The following ANXA11 variants were observed in gnomAD, a reference collection of about 807,000 sequenced individuals.
ANXA11 encodes 56 kDa autoantigen.
A neutral mutation model predicts 64.7 loss-of-function variants in ANXA11; 57 were observed. The ratio of observed to expected loss-of-function variants is 0.88; its 90% CI spans 0.71 to 1.10. ANXA11 has a LOEUF of 1.10. ANXA11 is among the 50% of genes least tolerant of loss of function. The pLI, the probability that ANXA11 is intolerant of heterozygous loss-of-function variation, is 0.00. For synonymous variants in ANXA11, 260 were observed against 265.2 expected (o/e 0.98, Z 0.19); for missense variants, 675 against 670.7 (o/e 1.01, Z -0.07).
chr10:80,205,130 A>C (rs977797003), intron 1 of ANXA11, among the ~76,000 whole-genome samples: 13 of 152,112 alleles, frequency 8.5e-5, no homozygotes, highest in Admixed American at 8.5e-4. Context: ...CCAGACGCCG[A>C]GGCTGATCTA....
In ANXA11 at chr10:80,205,467, G is replaced by A. The variant is rs917896793; in HGVS notation, c.-182C>T. ...GGGCTGGGTCCCACTCCCGCTCGCG[G>A]GGCCCGCGGGGCACTCGGGGCACTG... On this transcript the variant is annotated 5_prime_UTR_variant, in exon 1 of 16. Transcript: ENST00000422982. 1 of 151,934 alleles carries A rather than the reference G, an allele frequency of 6.6e-6. No homozygotes were observed. Among genetic ancestry groups the A allele is most frequent in the African/African-American group, 2.4e-5 (1 of 41,396 alleles). 9.4% of individuals were successfully genotyped at this position (151,934 alleles called of 1,614,324 possible). A position where few individuals can be genotyped will look rare whatever the true frequency, so the allele number is the denominator to read the frequency against.
At chr10:80,166,034 ACACG>A (rs747977393) in intron 8 of ANXA11, 46 bp downstream of exon 8, 5 of 960,268 alleles carry the variant, frequency 5.2e-6, no homozygotes, top group South Asian at 1.5e-5. Flanking sequence ...GCGTGCGCAC[ACACG>A]CGCGCACACA....
At chr10:80,203,081 G>C (rs912044446) in intron 1 of ANXA11, among the ~76,000 whole-genome samples, 3 of 151,444 alleles carry the variant, frequency 2.0e-5, no homozygotes. Flanking sequence ...CAGAAGAAGA[G>C]GGGTGAATCC....
At chr10:80,193,744 T>C (rs569062071) in intron 1 of ANXA11, among the ~76,000 whole-genome samples, 4 of 137,838 alleles carry the variant, frequency 2.9e-5, no homozygotes, top group African/African-American at 1.1e-4. Flanking sequence ...CTCGGGAGGC[T>C]GGGGCTGCAG....
chr10:80,185,145 C>A (rs1846493078), intron 1 of ANXA11, among the ~76,000 whole-genome samples: 1 of 152,234 alleles, frequency 6.6e-6, no homozygotes, highest in Admixed American at 6.5e-5. Context: ...CAGAACCCAC[C>A]TGGTGCATGA....
At chr10:80,194,677 G>A (rs898068172) in intron 1 of ANXA11, among the ~76,000 whole-genome samples, 4 of 152,180 alleles carry the variant, frequency 2.6e-5, no homozygotes, top group Non-Finnish European at 4.4e-5. Context: ...CGCCTGCAGG[G>A]CCTCAGTGGT....
chr10:80,182,957 G>GA (rs1017776683), intron 1 of ANXA11, among the ~76,000 whole-genome samples: 5 of 151,972 alleles, frequency 3.3e-5, no homozygotes, highest in South Asian at 4.2e-4. Flanking sequence ...TCAGTGTGGG[G>GA]AAAAAAAACA....
chr10:80,176,914 T>C (rs1846190563), intron 1 of ANXA11, among the ~76,000 whole-genome samples: 1 of 151,982 alleles, frequency 6.6e-6, no homozygotes, highest in South Asian at 2.1e-4. Flanking sequence ...CCTCCGTTCT[T>C]AGAAAGAATA....
chr10:80,184,760 C>G (rs1846481589), intron 1 of ANXA11, among the ~76,000 whole-genome samples: 1 of 152,150 alleles, frequency 6.6e-6, no homozygotes, highest in Non-Finnish European at 1.5e-5. Context: ...CCAACCTCCC[C>G]AGGACTCTTC....
chr10:80,199,024 T>C (rs999329719), intron 1 of ANXA11, among the ~76,000 whole-genome samples: 1 of 151,672 alleles, frequency 6.6e-6, no homozygotes. Flanking sequence ...TCAACCTCCA[T>C]CCACCCTCAA....
Position 80,169,006 on chromosome 10 carries a change from C to T in ANXA11, c.524G>A (p.Gly175Glu). 6.5e-7 allele frequency: 1 copy of T among 1,546,302 alleles called. No homozygotes were observed. Among genetic ancestry groups the T allele is most frequent in the East Asian group, 2.3e-5 (1 of 44,116 alleles). Residue 175 changes from glycine to glutamate, a missense_variant, in exon 5 of 16, where the codon GGG becomes GAG. Transcript: ENST00000422982. ...QPVPSYPGYP[G>E]SGTVTPAVPP... ...CACAGCGGGGGTGACAGTCCCAGAC[C>T]CCGGGTATCCTGGGTAGCTCGGCAC...
chr10:80,201,806 C>G (rs1318720835), intron 1 of ANXA11, among the ~76,000 whole-genome samples: 1 of 152,192 alleles, frequency 6.6e-6, no homozygotes, highest in African/African-American at 2.4e-5. Flanking sequence ...GTGCCACTCC[C>G]CAGGCTGGAT....
At chr10:80,156,723 C>T (rs1278300943) in intron 15 of ANXA11, among the ~76,000 whole-genome samples, 8 of 152,142 alleles carry the variant, frequency 5.3e-5, no homozygotes, top group Admixed American at 2.0e-4. Context: ...AGGCTGGTCT[C>T]GAACTCCTGA....
chr10:80,166,240 AGTCTATTT>A, intron 7 of ANXA11, 43 bp from the exon 8 acceptor site: 1 of 1,242,594 alleles, frequency 8.0e-7, no homozygotes, highest in Non-Finnish European at 1.2e-6. Context: ...AAAAAAAACA[AGTCTATTT>A]AAAAAATCCA....
Position 80,155,760 on chromosome 10 carries a change from A to C in ANXA11, c.*93T>G. ...CTCTAGGACGGTGAATCTCGGGGCT[A>C]TTTGTGGATTTGTTAGAAACAGACA... On this transcript the variant is annotated 3_prime_UTR_variant, in exon 16 of 16. Coordinates refer to ENST00000422982, the MANE Select transcript of ANXA11 (RefSeq NM_145868.2). 2 of 1,225,326 alleles carry C rather than the reference A, an allele frequency of 1.6e-6. No individual in the cohort carries two copies. Among genetic ancestry groups the C allele is most frequent in the South Asian group, 1.2e-5 (1 of 81,134 alleles). The allele number at this position is 1,225,326 out of a possible 1,614,324, so 75.9% of individuals were successfully genotyped here.
chr10:80,165,970 A>G (rs1845701958), intron 8 of ANXA11, 114 bp downstream of exon 8: 1 of 641,714 alleles, frequency 1.6e-6, no homozygotes, highest in Non-Finnish European at 2.7e-6. Flanking sequence ...AGTGGGCTAG[A>G]ACACAGCACG....
In ANXA11 at chr10:80,173,358, G is replaced by C. The variant is rs567016117; in HGVS notation, c.-8-489C>G. ...GTCTCTCTTCATTCTCCAACCTCTG[G>C]TTCATCAGGCAAGGGGACCTGGTAA... On this transcript the variant is annotated intron_variant, in intron 2 of 15. Transcript: ENST00000422982. 2.6e-5 allele frequency among the ~76,000 whole-genome samples: 4 copies of C among 152,280 alleles called. No homozygotes were observed. In the South Asian group the frequency reaches 8.3e-4, roughly 32 times the overall value.
At position 80,163,589 on chromosome 10, in the gene ANXA11, G is replaced by C; in HGVS notation, c.974C>G (p.Ala325Gly). The change falls in exon 10 of 16, where the codon GCC becomes GGC. Residue 325 changes from alanine (A) to glycine (G), a missense_variant. By Grantham distance (60) the Ala-to-Gly change is moderately conservative. Transcript: ENST00000422982. ...GTGCCCTGATGTGTCGCTTCGAATG[G>C]CCTCTTCCAGGGTCTTTTTGAATTC... ...KAEFKKTLEE[A>G]IRSDTSGHFQ... 7 of 1,559,810 alleles carry C rather than the reference G, an allele frequency of 4.5e-6. No individual in the cohort carries two copies. The highest frequency in any genetic ancestry group is 6.1e-6 in the Non-Finnish European group (7 of 1,151,620).
intron 1 of ANXA11, among the ~76,000 whole-genome samples, chr10:80,195,541 C>CCAGCT: frequency 6.6e-6 from 1 of 152,212 alleles, no homozygotes; most frequent in Admixed American, 6.5e-5. Context: ...TTAGCCCAGC[C>CCAGCT]CAGCTCAGCA....
Sources: gnomAD v4.1 joint callset for allele counts (sites outside exome capture counted in the v4.1 genomes callset) on GRCh38, gnomAD v4.1.1 for gene constraint, MANE v1.5 for transcripts, NCBI Gene and HGNC (gene_info 2026-07-23, HGNC 2026-07-21) for gene names.